ANKS6: variants seen among roughly 807,000 people sequenced by gnomAD.
The protein encoded by ANKS6 is ankyrin repeat and sterile alpha motif domain containing 6, also known as ankyrin repeat and SAM domain-containing protein 6.
A neutral mutation model predicts 77.9 loss-of-function variants in ANKS6; 47 were observed. That is an observed-to-expected ratio of 0.60 (90% CI 0.48 to 0.77). The LOEUF (loss-of-function observed/expected upper bound fraction) is 0.77, where lower values mean the gene tolerates loss of function less well. Among genes scored for constraint, ANKS6 ranks in the 30% least tolerant of loss-of-function variants. ANKS6 has a pLI of 0.00. For synonymous variants in ANKS6, 488 were observed against 501.7 expected (o/e 0.97, Z 0.37); for missense variants, 1,150 against 1,159.1 (o/e 0.99, Z 0.11).
At chr9:98,749,546 C>A (rs962722823) in intron 13 of ANKS6, among the ~76,000 whole-genome samples, 8 of 152,144 alleles carry the variant, frequency 5.3e-5, no homozygotes, top group Non-Finnish European at 8.8e-5. Flanking sequence ...AGGGGAAAGG[C>A]CAATAAATCA....
chr9:98,739,757 C>CCTTTTTTTTTT (rs1338507769), intron 14 of ANKS6, among the ~76,000 whole-genome samples: 1 of 51,068 alleles, frequency 2.0e-5, no homozygotes. Flanking sequence ...GTGGATTAAA[C>CCTTTTTTTTTT]ATTTTTTTTT....
chr9:98,740,519 G>A (rs182782623), intron 14 of ANKS6, among the ~76,000 whole-genome samples: 5 of 152,290 alleles, frequency 3.3e-5, no homozygotes, highest in African/African-American at 1.2e-4. Context: ...TAATGAATGG[G>A]GTGGCACTGT....
intron 11 of ANKS6, among the ~76,000 whole-genome samples, chr9:98,764,952 AT>A (rs1395494258): frequency 2.0e-5 from 3 of 152,224 alleles, no homozygotes; most frequent in Non-Finnish European, 4.4e-5. Flanking sequence ...GACATATTAT[AT>A]AGTAGAGTAT....
chr9:98,771,188 C>A, intron 9 of ANKS6, 142 bp from the exon 10 acceptor site: 12 of 993,778 alleles, frequency 1.2e-5, no homozygotes, highest in Non-Finnish European at 1.5e-5. Context: ...TGCCAGGGCC[C>A]AGCTGGGGAG....
In ANKS6 at chr9:98,736,446, G is replaced by C; in HGVS notation, c.*73C>G. On this transcript the variant is annotated 3_prime_UTR_variant, in exon 15 of 15. Coordinates refer to ENST00000353234, the MANE Select transcript of ANKS6 (RefSeq NM_173551.5). Reference sequence around the variant, plus strand: ...AAGGCACAGCAGTGTGACGGGGGCAGGGCTGGGGCTGTGGCCACGTGAAGG... The same window carrying C: ...AAGGCACAGCAGTGTGACGGGGGCACGGCTGGGGCTGTGGCCACGTGAAGG... 1 of 1,506,972 alleles carries C rather than the reference G, an allele frequency of 6.6e-7. No homozygotes were observed. The highest frequency in any genetic ancestry group is 1.3e-5 in the South Asian group (1 of 74,442). 93.4% of individuals were successfully genotyped at this position (1,506,972 alleles called of 1,614,324 possible).
In ANKS6 at chr9:98,750,917, C is replaced by T. The variant is rs149645137; in HGVS notation, c.2394+112G>A. ...CTAAGCACGAATTCTATTTCCTCAACTGTCTCAGTGCAAGAGATCAATCTA... is the reference window on the plus strand; with the variant it reads ...CTAAGCACGAATTCTATTTCCTCAATTGTCTCAGTGCAAGAGATCAATCTA... On this transcript the variant is annotated intron_variant, in intron 13 of 14. Coordinates refer to ENST00000353234, the MANE Select transcript of ANKS6 (RefSeq NM_173551.5). The T allele has an allele frequency of 1.8e-3, 1,431 of 791,600 alleles. 2 individuals carry two copies. The highest frequency in any genetic ancestry group is 5.9e-3 in the Middle Eastern group (17 of 2,860). 49.0% of individuals were successfully genotyped at this position (791,600 alleles called of 1,614,324 possible).
intron 14 of ANKS6, among the ~76,000 whole-genome samples, chr9:98,740,593 T>C (rs1289795466): frequency 1.3e-5 from 2 of 152,178 alleles, no homozygotes; most frequent in East Asian, 3.8e-4. Flanking sequence ...TTAAACACCA[T>C]CTTAGCCTTA....
At chr9:98,768,024 C>A (rs1274646437) in intron 11 of ANKS6, 57 bp downstream of exon 11, 3 of 1,543,720 alleles carry the variant, frequency 1.9e-6, no homozygotes, top group Non-Finnish European at 2.6e-6. Flanking sequence ...CGGCAAGTGG[C>A]CCATGTTAGA....
At chr9:98,776,058 C>A (rs1048982449) in intron 8 of ANKS6, among the ~76,000 whole-genome samples, 2 of 152,132 alleles carry the variant, frequency 1.3e-5, no homozygotes, top group Non-Finnish European at 2.9e-5. Context: ...AGGGTCTTAG[C>A]GCTAAAGGGA....
intron 4 of ANKS6, 57 bp from the exon 5 acceptor site, chr9:98,782,630 G>C (rs912689090): frequency 7.0e-7 from 1 of 1,427,450 alleles, no homozygotes; most frequent in Non-Finnish European, 9.9e-7. Flanking sequence ...CTTTGCTCCT[G>C]GGCAACAAAA....
chr9:98,739,757 C>CTTTTTTTTTTTTTTTTT (rs1338507769), intron 14 of ANKS6, among the ~76,000 whole-genome samples: 1 of 51,068 alleles, frequency 2.0e-5, no homozygotes, highest in African/African-American at 1.5e-4. Context: ...GTGGATTAAA[C>CTTTTTTTTTTTTTTTTT]ATTTTTTTTT....
chr9:98,768,218 C>T lies in ANKS6; in HGVS notation c.2005G>A (p.Ala669Thr), dbSNP rs1221413415. The T allele has an allele frequency of 3.7e-6, 6 of 1,614,034 alleles. No homozygotes were observed. Among genetic ancestry groups the T allele is most frequent in the Admixed American group, 1.7e-5 (1 of 60,024 alleles). Residue 669 changes from alanine (A) to threonine (T), a missense_variant, in exon 11 of 15, where the codon GCT becomes ACT. Physicochemically the swap from Ala to Thr is moderately conservative, Grantham distance 58 (BLOSUM62 0). Transcript: ENST00000353234. ...GSIDNVLSQI[A>T]AQRKKAAGLL... ...CCGGCTGCTTTTTTCCTCTGGGCAG[C>T]GATTTGGGACAAGACATTGTCTATG...
At chr9:98,762,284 G>A (rs1833060522) in intron 11 of ANKS6, among the ~76,000 whole-genome samples, 1 of 152,180 alleles carries the variant, frequency 6.6e-6, no homozygotes, top group Non-Finnish European at 1.5e-5. Flanking sequence ...ATTGTATCCT[G>A]AGACTTTGCT....
rs1286961310 is a variant in ANKS6 at position 98,782,524 on chromosome 9, G to C, written c.1162C>G (p.Leu388Val). 1 of 1,614,040 alleles carries C rather than the reference G, an allele frequency of 6.2e-7. No individual in the cohort carries two copies. The highest frequency in any genetic ancestry group is 1.3e-5 in the African/African-American group (1 of 74,918). The change falls in exon 5 of 15, where the codon CTT (leucine) becomes GTT (valine). Residue 388 changes from leucine (L) to valine (V), a missense_variant. By Grantham distance (32) the Leu-to-Val change is conservative (BLOSUM62 1). Transcript: ENST00000353234. ...YLLNQGADVT[L>V]RAKNGYTAFD... is the part of the protein sequence containing the mutation. ...GCCGTGTATCCATTTTTTGCACGAA[G>C]AGTGACATCGGCCCCTTGGTTTAGC...
chr9:98,732,969 C>T lies in ANKS6; in HGVS notation c.*3550G>A, dbSNP rs1831282312. The T allele has an allele frequency of 9.7e-7, 1 of 1,026,472 alleles. No homozygotes were observed. Among genetic ancestry groups the T allele is most frequent in the Non-Finnish European group, 1.2e-6 (1 of 850,558 alleles). 63.6% of individuals were successfully genotyped at this position (1,026,472 alleles called of 1,614,324 possible). A position where few individuals can be genotyped will look rare whatever the true frequency, so the allele number is the denominator to read the frequency against. ...CCTAAACCTGCCCTTTGAGGCCCCA[C>T]TCCATCTCTCTCCTCTGGGGCGTGC... On this transcript the variant is annotated 3_prime_UTR_variant, in exon 15 of 15. Transcript: ENST00000353234.
intron 14 of ANKS6, among the ~76,000 whole-genome samples, chr9:98,744,968 G>C (rs762303651): frequency 6.6e-6 from 1 of 152,148 alleles, no homozygotes; most frequent in Non-Finnish European, 1.5e-5. Context: ...GTGGGGATTT[G>C]TCTTTTTTAT....
At chr9:98,741,778 A>C (rs1409221567) in intron 14 of ANKS6, among the ~76,000 whole-genome samples, 1 of 152,194 alleles carries the variant, frequency 6.6e-6, no homozygotes, top group African/African-American at 2.4e-5. Flanking sequence ...CTGAGGGTCC[A>C]CAACGTTTTG....
Position 98,773,314 on chromosome 9 carries a change from C to T in ANKS6, c.1821+563G>A, listed in dbSNP as rs1444473606. Among the ~76,000 whole-genome samples the T allele has an allele frequency of 4.6e-5, 7 of 152,186 alleles. No homozygotes were observed. The East Asian group carries it at 7.7e-4, about 17-fold the overall frequency. On this transcript the variant is annotated intron_variant, in intron 9 of 14. Transcript: ENST00000353234. ...CGACAGGGTCAGTCCTGAATCCCTTCGTCTTGCCCATTTGCTGCATCTACC... is the reference window on the plus strand; with the variant it reads ...CGACAGGGTCAGTCCTGAATCCCTTTGTCTTGCCCATTTGCTGCATCTACC...
intron 11 of ANKS6, among the ~76,000 whole-genome samples, chr9:98,764,590 G>A (rs892386054): frequency 6.6e-6 from 1 of 151,986 alleles, no homozygotes; most frequent in African/African-American, 2.4e-5. Context: ...ATTCAGTTGG[G>A]GTAAACTCTA....
Sources: gnomAD v4.1 joint callset for allele counts (sites outside exome capture counted in the v4.1 genomes callset) on GRCh38, gnomAD v4.1.1 for gene constraint, MANE v1.5 for transcripts, NCBI Gene and HGNC (gene_info 2026-07-23, HGNC 2026-07-21) for gene names.